The following UBE2QL1 variants were observed in gnomAD, a reference collection of about 807,000 sequenced individuals.
UBE2QL1 encodes the protein ubiquitin conjugating enzyme E2 QL1.
A neutral mutation model predicts 12.6 loss-of-function variants in UBE2QL1; 5 were observed. That is an observed-to-expected ratio of 0.40 (90% CI 0.21 to 0.83). The LOEUF (loss-of-function observed/expected upper bound fraction) is 0.83. Ranked by LOEUF, UBE2QL1 falls within the 40% of genes least tolerant of loss-of-function variation. UBE2QL1 has a pLI of 0.37. For synonymous variants in UBE2QL1, 96 were observed against 94.5 expected, an observed-to-expected ratio of 1.02 and a Z score of -0.10; for missense variants, 99 against 222.6, an observed-to-expected ratio of 0.44 and a Z score of 3.53.
Position 6,476,604 on chromosome 5 carries a change from A to G in UBE2QL1, c.355-14614A>G, listed in dbSNP as rs1053220936. ...GGTGTACACTATTTTACCTGCTCCT[A>G]AGCTTACTATATAATATTTGTGAAC... is the stretch of plus-strand genomic sequence containing the variant. On this transcript the variant is annotated intron_variant, in intron 1 of 1. Transcript: ENST00000399816. This position sits in a 1 kb window ranked among gnomAD's most constrained non-coding sequence, Gnocchi z 4.9. Among the ~76,000 whole-genome samples the G allele has an allele frequency of 1.3e-5, 2 of 152,144 alleles. No homozygotes were observed. The highest frequency in any genetic ancestry group is 4.8e-5 in the African/African-American group (2 of 41,422).
In UBE2QL1 at chr5:6,478,783, A is replaced by G. The variant is rs1011222580; in HGVS notation, c.355-12435A>G. ...CACAGCAGACCACAGGCAAGGGCTT[A>G]GGGCTGCAGGTGGATGATCTCCTGC... is the stretch of plus-strand genomic sequence containing the variant. On this transcript the variant is annotated intron_variant, in intron 1 of 1. Transcript: ENST00000399816. This position sits in a 1 kb window ranked among gnomAD's most constrained non-coding sequence, Gnocchi z 4.5. 6.6e-6 allele frequency among the ~76,000 whole-genome samples: 1 copy of G among 152,300 alleles called. No homozygotes were observed. The highest frequency in any genetic ancestry group is 2.4e-5 in the African/African-American group (1 of 41,576).
intron 1 of UBE2QL1, among the ~76,000 whole-genome samples, chr5:6,464,269 T>G (rs1389871900): frequency 6.6e-6 from 1 of 152,224 alleles, no homozygotes; most frequent in Non-Finnish European, 1.5e-5. Flanking sequence ...GAAAATTATC[T>G]TCCCAATACA....
rs1448281240 is a variant in UBE2QL1 at position 6,481,133 on chromosome 5, G to A, written c.355-10085G>A. On this transcript the variant is annotated intron_variant, in intron 1 of 1. Transcript: ENST00000399816. This position sits in a 1 kb window ranked among gnomAD's most constrained non-coding sequence, Gnocchi z 4.5. ...AGAGTTGGCCCGGAGCGTGCTTCTCGGGCCATTTCACCTGTGCACGCTTCG... is the reference window on the plus strand; with the variant it reads ...AGAGTTGGCCCGGAGCGTGCTTCTCAGGCCATTTCACCTGTGCACGCTTCG... 2.6e-5 allele frequency among the ~76,000 whole-genome samples: 4 copies of A among 152,028 alleles called. No homozygotes were observed. Among genetic ancestry groups the A allele is most frequent in the Admixed American group, 6.5e-5 (1 of 15,274 alleles).
intron 1 of UBE2QL1, among the ~76,000 whole-genome samples, chr5:6,457,290 C>G (rs770520200): frequency 3.3e-5 from 5 of 151,972 alleles, no homozygotes; most frequent in African/African-American, 1.2e-4. Context: ...AAACCCTGCC[C>G]AGATGCCCCA....
chr5:6,491,142 G>T, intron 1 of UBE2QL1, 76 bp from the exon 2 acceptor site: 1 of 1,435,946 alleles, frequency 7.0e-7, no homozygotes, highest in Non-Finnish European at 9.3e-7. Flanking sequence ...ACGACTCTGT[G>T]TGTTTTTAAT....
At chr5:6,463,821 G>T (rs1739727659) in intron 1 of UBE2QL1, among the ~76,000 whole-genome samples, 1 of 151,656 alleles carries the variant, frequency 6.6e-6, no homozygotes, top group Non-Finnish European at 1.5e-5. Flanking sequence ...TAGAGACGGG[G>T]TTTCACCATG....
At chr5:6,455,240 C>T (rs981762728) in intron 1 of UBE2QL1, among the ~76,000 whole-genome samples, 1 of 152,124 alleles carries the variant, frequency 6.6e-6, no homozygotes, top group African/African-American at 2.4e-5. Context: ...TGAATGAAGG[C>T]CTGACACCCA....
chr5:6,486,637 A>C (rs1734473029), intron 1 of UBE2QL1, among the ~76,000 whole-genome samples: 1 of 152,270 alleles, frequency 6.6e-6, no homozygotes, highest in Admixed American at 6.5e-5. Context: ...TTCCTTAGAA[A>C]GCTCTGAAGT....
In UBE2QL1 at chr5:6,474,992, G is replaced by A. The variant is rs527723266; in HGVS notation, c.355-16226G>A. Among the ~76,000 whole-genome samples the A allele has an allele frequency of 5.3e-5, 8 of 152,352 alleles. No individual in the cohort carries two copies. The East Asian group carries it at 1.2e-3, about 22-fold the overall frequency. On this transcript the variant is annotated intron_variant, in intron 1 of 1. Transcript: ENST00000399816. ...CCCGATGATGACTGAGCATGTGTGT[G>A]CATGTGAAGTCCTTGTGGCAGTGAC...
At chr5:6,456,309 G>C (rs540298294) in intron 1 of UBE2QL1, among the ~76,000 whole-genome samples, 1 of 152,288 alleles carries the variant, frequency 6.6e-6, no homozygotes, top group Non-Finnish European at 1.5e-5. Flanking sequence ...GGCACAGTGG[G>C]GTCCTGGGAT....
chr5:6,470,950 C>T (rs767022413), intron 1 of UBE2QL1, among the ~76,000 whole-genome samples: 2 of 152,192 alleles, frequency 1.3e-5, no homozygotes, highest in Non-Finnish European at 2.9e-5. Context: ...CTGGAAACCT[C>T]CCAGGCCTCT....
At chr5:6,458,871 A>C (rs949542301) in intron 1 of UBE2QL1, among the ~76,000 whole-genome samples, 1 of 152,178 alleles carries the variant, frequency 6.6e-6, no homozygotes, top group Non-Finnish European at 1.5e-5. Flanking sequence ...ATGAATCATA[A>C]TGTATTTAAC....
chr5:6,486,299 TACACACACAAGCACAC>T lies in UBE2QL1; in HGVS notation c.355-4892_355-4877del, dbSNP rs552996552. Among the ~76,000 whole-genome samples, 998 of 151,164 alleles carry T rather than the reference TACACACACAAGCACAC, an allele frequency of 6.6e-3. 10 individuals are homozygous for T. Among genetic ancestry groups the T allele is most frequent in the Non-Finnish European group, 0.011 (748 of 67,750 alleles). On this transcript the variant is annotated intron_variant, in intron 1 of 1. Transcript: ENST00000399816. ...ATTATGCAACTCCTTCCCCACCAAA[TACACACACAAGCACAC>T]ACACACACAAGCACACACACACACA...
At chr5:6,467,680 T>A (rs935232782) in intron 1 of UBE2QL1, among the ~76,000 whole-genome samples, 4 of 152,182 alleles carry the variant, frequency 2.6e-5, no homozygotes, top group Non-Finnish European at 5.9e-5. Flanking sequence ...TCATTTGTCT[T>A]CTTTCCTGCA....
At chr5:6,473,105 C>T (rs1020745676) in intron 1 of UBE2QL1, among the ~76,000 whole-genome samples, 2 of 152,210 alleles carry the variant, frequency 1.3e-5, no homozygotes, top group African/African-American at 4.8e-5. Flanking sequence ...TTTTCCTGCT[C>T]CTGTACAAAT....
intron 1 of UBE2QL1, among the ~76,000 whole-genome samples, chr5:6,484,379 G>C (rs546773415): frequency 6.6e-6 from 1 of 152,292 alleles, no homozygotes; most frequent in South Asian, 2.1e-4. Flanking sequence ...GAGGCTGCCT[G>C]TCTTTGGTCT....
At chr5:6,477,235 ACCT>A (rs1734251797) in intron 1 of UBE2QL1, among the ~76,000 whole-genome samples, 1 of 152,074 alleles carries the variant, frequency 6.6e-6, no homozygotes, top group African/African-American at 2.4e-5. Flanking sequence ...CCTGGCCGTG[ACCT>A]CCTCCCAGTC....
chr5:6,471,153 C>T (rs556945199), intron 1 of UBE2QL1, among the ~76,000 whole-genome samples: 1 of 152,084 alleles, frequency 6.6e-6, no homozygotes, highest in Non-Finnish European at 1.5e-5. Context: ...GTCCATTTTT[C>T]GTTTGATTGT....
At position 6,491,335 on chromosome 5, in the gene UBE2QL1, G is replaced by A. The variant is rs1299440822; in HGVS notation, c.472G>A (p.Val158Met). The change falls in exon 2 of 2, where the codon GTG (valine) becomes ATG (methionine). Residue 158 changes from valine (V) to methionine (M), a missense_variant. By Grantham distance (21) the Val-to-Met change is conservative. Coordinates refer to ENST00000399816, the MANE Select transcript of UBE2QL1 (RefSeq NM_001145161.3). The part of the protein sequence containing the change: ...HEKYGWVTPP[V>M]SDG ...AAAATATGGTTGGGTCACCCCGCCC[G>A]TGTCCGACGGCTGATGTCTGCCACG... The A allele has an allele frequency of 3.9e-6, 6 of 1,550,618 alleles. No homozygotes were observed. The highest frequency in any genetic ancestry group is 5.2e-6 in the Non-Finnish European group (6 of 1,146,572).
Sources: allele counts gnomAD v4.1 joint callset (sites outside exome capture counted in the v4.1 genomes callset), GRCh38; gene constraint gnomAD v4.1.1; non-coding constraint Gnocchi (gnomAD v3.1); transcripts MANE v1.5; gene names NCBI Gene and HGNC (gene_info 2026-07-23, HGNC 2026-07-21).